CSRNP3: variants seen among roughly 807,000 people sequenced by gnomAD.
CSRNP3 encodes cysteine and serine rich nuclear protein 3.
A neutral mutation model predicts 48.0 loss-of-function variants in CSRNP3; 12 were observed. That is an observed-to-expected ratio of 0.25 (90% CI 0.16 to 0.41). The LOEUF is 0.41. Among genes scored for constraint, CSRNP3 ranks in the 10% least tolerant of loss-of-function variants. The pLI is 1.00. For missense variants in CSRNP3, 580 were observed against 724.4 expected, an observed-to-expected ratio of 0.80 and a Z score of 2.29; for synonymous variants, 263 against 269.7, an observed-to-expected ratio of 0.98 and a Z score of 0.24.
chr2:165,659,195 T>A (rs1291875978), intron 5 of CSRNP3, among the ~76,000 whole-genome samples: 2 of 152,024 alleles, frequency 1.3e-5, no homozygotes, highest in Non-Finnish European at 2.9e-5. Flanking sequence ...ATATATGAAG[T>A]TAGACCAGTT....
At position 165,622,024 on chromosome 2, in the gene CSRNP3, CTT is replaced by C. The variant is rs561909438; in HGVS notation, c.148+26813_148+26814del. ...AGAGCTTTCTTCTTTGAGCTGGTCT[CTT>C]TATTCTATTTTGAAACATCTCCTTT... On this transcript the variant is annotated intron_variant, in intron 4 of 6. Coordinates refer to ENST00000651982, the MANE Select transcript of CSRNP3 (RefSeq NM_001172173.2). Among the ~76,000 whole-genome samples, 110 of 152,198 alleles carry C rather than the reference CTT, an allele frequency of 7.2e-4. 2 individuals are homozygous for C. In the South Asian group the frequency reaches 9.1e-3, roughly 13 times the overall value.
chr2:165,500,008 C>A (rs1326648566), intron 2 of CSRNP3, among the ~76,000 whole-genome samples: 5 of 150,290 alleles, frequency 3.3e-5, no homozygotes, highest in African/African-American at 1.2e-4. Flanking sequence ...TCTTTACAAT[C>A]CTTAATGTAC....
chr2:165,597,446 C>T (rs1685831276), intron 4 of CSRNP3, among the ~76,000 whole-genome samples: 1 of 152,034 alleles, frequency 6.6e-6, no homozygotes, highest in African/African-American at 2.4e-5. Context: ...GTGATTTAGA[C>T]TCACGTCTCA....
chr2:165,603,734 G>A lies in CSRNP3; in HGVS notation c.148+8521G>A, dbSNP rs1045053019. Among the ~76,000 whole-genome samples, 17 of 152,050 alleles carry A rather than the reference G, an allele frequency of 1.1e-4. 1 individual carries two copies. The highest frequency in any genetic ancestry group is 2.6e-4 in the Admixed American group (4 of 15,268). On this transcript the variant is annotated intron_variant, in intron 4 of 6. Transcript: ENST00000651982. ...AAAACACTTGAAAACTTCTTTAAAA[G>A]TTTTGGAGAAAATGACAAAACTGTG...
intron 5 of CSRNP3, among the ~76,000 whole-genome samples, chr2:165,674,622 T>A (rs1009074572): frequency 6.9e-6 from 1 of 145,114 alleles, no homozygotes; most frequent in African/African-American, 2.6e-5. Context: ...TATATATATA[T>A]AAATAAAATA....
intron 5 of CSRNP3, among the ~76,000 whole-genome samples, chr2:165,663,077 T>G (rs1489917939): frequency 6.6e-6 from 1 of 152,194 alleles, no homozygotes; most frequent in Non-Finnish European, 1.5e-5. Flanking sequence ...TGCAATATTA[T>G]AATTCTCCAC....
intron 4 of CSRNP3, among the ~76,000 whole-genome samples, chr2:165,616,947 T>C (rs757354033): frequency 1.3e-5 from 2 of 152,130 alleles, no homozygotes; most frequent in Non-Finnish European, 2.9e-5. Context: ...TAGCCTATTG[T>C]TGAAGCTCTC....
chr2:165,554,135 C>T (rs1379306600), intron 3 of CSRNP3, among the ~76,000 whole-genome samples: 1 of 152,176 alleles, frequency 6.6e-6, no homozygotes, highest in Non-Finnish European at 1.5e-5. Context: ...GCATGCTACA[C>T]AATCCCCGCT....
chr2:165,655,645 G>A (rs75294216), intron 4 of CSRNP3, among the ~76,000 whole-genome samples: 3,214 of 152,218 alleles, frequency 0.021, 63 homozygotes, highest in Non-Finnish European at 0.027. Context: ...CTCACTGTTC[G>A]GGAGGCTAGA....
At chr2:165,532,596 C>T (rs1298877105) in intron 3 of CSRNP3, among the ~76,000 whole-genome samples, 1 of 151,446 alleles carries the variant, frequency 6.6e-6, no homozygotes, top group East Asian at 1.9e-4. Flanking sequence ...AACCCACAGC[C>T]AATATCATAC....
At chr2:165,576,131 CAAT>C (rs1685446864) in intron 3 of CSRNP3, among the ~76,000 whole-genome samples, 1 of 149,700 alleles carries the variant, frequency 6.7e-6, no homozygotes, top group Non-Finnish European at 1.5e-5. Context: ...ATGCATAAAA[CAAT>C]ATATATATAC....
intron 3 of CSRNP3, among the ~76,000 whole-genome samples, chr2:165,564,322 A>G (rs78429001): frequency 1.7e-4 from 26 of 149,388 alleles, no homozygotes; most frequent in Admixed American, 1.3e-4. Flanking sequence ...TGTTAAAAAA[A>G]TGCTTTTCTT....
chr2:165,471,937 A>C (rs1683900267), intron 1 of CSRNP3, among the ~76,000 whole-genome samples: 1 of 152,084 alleles, frequency 6.6e-6, no homozygotes, highest in African/African-American at 2.4e-5. Flanking sequence ...AATGAAAACC[A>C]TGTAAGGCTT....
chr2:165,527,440 C>T (rs181591236), intron 3 of CSRNP3, among the ~76,000 whole-genome samples: 28 of 151,954 alleles, frequency 1.8e-4, no homozygotes, highest in Non-Finnish European at 3.7e-4. Flanking sequence ...CTCCTGACCT[C>T]GTGATCCGTC....
chr2:165,550,393 G>A (rs1685081724), intron 3 of CSRNP3, among the ~76,000 whole-genome samples: 1 of 152,142 alleles, frequency 6.6e-6, no homozygotes, highest in Non-Finnish European at 1.5e-5. Flanking sequence ...AAGGGGAACA[G>A]AGTGGACAAT....
chr2:165,549,323 T>C (rs1685069616), intron 3 of CSRNP3, among the ~76,000 whole-genome samples: 1 of 152,124 alleles, frequency 6.6e-6, no homozygotes, highest in Non-Finnish European at 1.5e-5. Context: ...GATTCACAAC[T>C]GAAATCTAGA....
At chr2:165,555,936 A>G (rs1186892268) in intron 3 of CSRNP3, among the ~76,000 whole-genome samples, 2 of 152,190 alleles carry the variant, frequency 1.3e-5, no homozygotes, top group Non-Finnish European at 2.9e-5. Flanking sequence ...TGGTGGAGGG[A>G]CTTGGTGCCA....
intron 4 of CSRNP3, among the ~76,000 whole-genome samples, chr2:165,596,135 ATTT>A (rs11317294): frequency 3.1e-4 from 37 of 120,472 alleles, no homozygotes; most frequent in Non-Finnish European, 3.4e-4. Context: ...TTTCTTTTTG[ATTT>A]TTTTTTTTTT....
At chr2:165,561,752 G>T (rs1001062323) in intron 3 of CSRNP3, among the ~76,000 whole-genome samples, 6 of 152,096 alleles carry the variant, frequency 3.9e-5, no homozygotes, top group African/African-American at 1.4e-4. Flanking sequence ...GGAAAGAATA[G>T]ACAGTTGTGA....
Sources: gnomAD v4.1 joint callset for allele counts (sites outside exome capture counted in the v4.1 genomes callset) on GRCh38, gnomAD v4.1.1 for gene constraint, MANE v1.5 for transcripts, NCBI Gene and HGNC (gene_info 2026-07-23, HGNC 2026-07-21) for gene names.